KREMEN1: variants seen among roughly 807,000 people sequenced by gnomAD.
KREMEN1 encodes kremen protein 1.
Under a neutral mutation model 46.5 loss-of-function variants are expected in KREMEN1, and 30 were observed. The ratio of observed to expected loss-of-function variants is 0.65; its 90% CI spans 0.48 to 0.88. KREMEN1 has a LOEUF of 0.88. Among genes scored for constraint, KREMEN1 ranks in the 40% least tolerant of loss-of-function variants. KREMEN1 has a pLI of 0.00. For missense variants in KREMEN1, 533 were observed against 596.9 expected (o/e 0.89, Z 1.11); for synonymous variants, 214 against 230.6 (o/e 0.93, Z 0.65).
At chr22:29,164,498 C>A (rs1469798607) in intron 9 of KREMEN1, among the ~76,000 whole-genome samples, 1 of 152,150 alleles carries the variant, frequency 6.6e-6, no homozygotes, top group Non-Finnish European at 1.5e-5. Context: ...CAGCTTAAAA[C>A]AAGGAACTGG....
chr22:29,134,806 G>A (rs1463912326), intron 5 of KREMEN1, among the ~76,000 whole-genome samples: 1 of 152,186 alleles, frequency 6.6e-6, no homozygotes. Context: ...GTGGAGCCTA[G>A]AGTACCCGTG....
chr22:29,128,339 A>G (rs2038477946), intron 5 of KREMEN1, among the ~76,000 whole-genome samples: 1 of 152,250 alleles, frequency 6.6e-6, no homozygotes, highest in African/African-American at 2.4e-5. Context: ...TAACCCCATT[A>G]TAAGTCAAGG....
At chr22:29,122,446 T>A (rs563162694) in intron 4 of KREMEN1, among the ~76,000 whole-genome samples, 53 of 152,346 alleles carry the variant, frequency 3.5e-4, no homozygotes, top group African/African-American at 1.2e-3. Flanking sequence ...AACTCAGCAA[T>A]ATCACGCCTG....
At position 29,143,430 on chromosome 22, in the gene KREMEN1, C is replaced by T. The variant is rs943451389; in HGVS notation, c.*1318C>T. On this transcript the variant is annotated 3_prime_UTR_variant, in exon 9 of 9. Coordinates refer to ENST00000400335, the MANE Select transcript of KREMEN1 (RefSeq NM_001039570.3). ...GCCTGTGGTCCTTCCTTCTGGTGTC[C>T]CCCGTGTTAAAAGATAAAAAACACC... 1 of 985,276 alleles carries T rather than the reference C, an allele frequency of 1.0e-6. No individual in the cohort carries two copies. Among genetic ancestry groups the T allele is most frequent in the Non-Finnish European group, 1.2e-6 (1 of 829,944 alleles). The allele number at this position is 985,276 out of a possible 1,614,324, so 61.0% of individuals were successfully genotyped here.
At chr22:29,097,763 T>C (rs534207630) in intron 2 of KREMEN1, among the ~76,000 whole-genome samples, 2 of 152,210 alleles carry the variant, frequency 1.3e-5, no homozygotes, top group South Asian at 4.2e-4. Flanking sequence ...AAAGCTGAAA[T>C]CACCAGTAGT....
At chr22:29,130,650 A>G (rs1030241656) in intron 5 of KREMEN1, among the ~76,000 whole-genome samples, 3 of 152,128 alleles carry the variant, frequency 2.0e-5, no homozygotes, top group African/African-American at 7.2e-5. Context: ...GAAGTGGAGC[A>G]CTCAGCTGGG....
chr22:29,074,066 G>A (rs943807838), intron 1 of KREMEN1, among the ~76,000 whole-genome samples: 4 of 152,218 alleles, frequency 2.6e-5, no homozygotes, highest in Non-Finnish European at 5.9e-5. Context: ...AGCGGAGGCG[G>A]GAGGAGCCGG....
chr22:29,074,423 C>A (rs933343847), intron 1 of KREMEN1, among the ~76,000 whole-genome samples: 5 of 152,252 alleles, frequency 3.3e-5, no homozygotes, highest in African/African-American at 9.6e-5. Context: ...CAGGCCAAGG[C>A]CAAGGCCAGG....
At chr22:29,086,717 G>A (rs567645524) in intron 1 of KREMEN1, among the ~76,000 whole-genome samples, 12 of 152,258 alleles carry the variant, frequency 7.9e-5, no homozygotes, top group African/African-American at 2.9e-4. Flanking sequence ...GGCGATAGGT[G>A]TGCTATGTGA....
Position 29,105,126 on chromosome 22 carries a change from T to C in KREMEN1, c.352+6173T>C, listed in dbSNP as rs182459835. Among the ~76,000 whole-genome samples, 24 of 151,906 alleles carry C rather than the reference T, an allele frequency of 1.6e-4. No homozygotes were observed. The East Asian group carries it at 4.3e-3, about 27-fold the overall frequency. ...TATAATAAGTGAGGTGAGCAAAAGGTTCGGAGCACCCAGGAGGGCCATCTG... is the reference window on the plus strand; with the variant it reads ...TATAATAAGTGAGGTGAGCAAAAGGCTCGGAGCACCCAGGAGGGCCATCTG... On this transcript the variant is annotated intron_variant, in intron 3 of 8. Transcript: ENST00000400335.
At chr22:29,131,738 GTATATATATGTATATATGTA>G (rs1464109980) in intron 5 of KREMEN1, among the ~76,000 whole-genome samples, 36 of 131,976 alleles carry the variant, frequency 2.7e-4, no homozygotes, top group Admixed American at 9.1e-4. Context: ...GTATATATGT[GTATATATATGTATATATGTA>G]TATATATATG....
At chr22:29,094,768 C>G (rs2037858611) in intron 2 of KREMEN1, among the ~76,000 whole-genome samples, 1 of 151,942 alleles carries the variant, frequency 6.6e-6, no homozygotes, top group Admixed American at 6.6e-5. Flanking sequence ...GGACTACAGG[C>G]GCCCGCCAAC....
intron 8 of KREMEN1, among the ~76,000 whole-genome samples, chr22:29,141,535 G>A (rs1601812130): frequency 6.6e-6 from 1 of 152,220 alleles, no homozygotes; most frequent in Non-Finnish European, 1.5e-5. Context: ...GGCCAGCACC[G>A]GAGGCTAGAC....
In KREMEN1 at chr22:29,142,298, T is replaced by C. The variant is rs2145854298; in HGVS notation, c.*186T>C. ...GCTGCCAGGGCAGGCAGAGCCTGGA[T>C]TCCTCCTGCTTCATCGATTGCACTT... On this transcript the variant is annotated 3_prime_UTR_variant, in exon 9 of 9. Transcript: ENST00000400335. The C allele has an allele frequency of 7.6e-7, 1 of 1,313,196 alleles. No homozygotes were observed. The highest frequency in any genetic ancestry group is 1.5e-5 in the African/African-American group (1 of 66,150). 81.3% of individuals were successfully genotyped at this position (1,313,196 alleles called of 1,614,324 possible). A position where few individuals can be genotyped will look rare whatever the true frequency, so the allele number is the denominator to read the frequency against.
Position 29,094,379 on chromosome 22 carries a change from C to A in KREMEN1, c.219C>A (p.Tyr73Ter). 1 of 1,613,856 alleles carries A rather than the reference C, an allele frequency of 6.2e-7. No homozygotes were observed. The highest frequency in any genetic ancestry group is 2.2e-5 in the East Asian group (1 of 44,876). Residue 73 changes from tyrosine to a stop codon, truncating the protein, a stop_gained, in exon 2 of 9, where the codon TAC becomes TAA. Coordinates refer to ENST00000400335, the MANE Select transcript of KREMEN1 (RefSeq NM_001039570.3). LOFTEE classifies it high-confidence loss of function. ...TFQHPYNTLK[Y>*]PNGEGGLGEH... ...AGCATCCATACAACACTCTGAAATA[C>A]CCCAACGGGGAGGGGGGCCTGGGTG...
chr22:29,077,854 G>A (rs901626465), intron 1 of KREMEN1, among the ~76,000 whole-genome samples: 2 of 152,178 alleles, frequency 1.3e-5, no homozygotes, highest in Admixed American at 6.5e-5. Flanking sequence ...ATACATATGG[G>A]AGAAATGGTT....
chr22:29,101,043 G>A (rs571631733), intron 3 of KREMEN1, among the ~76,000 whole-genome samples: 1 of 152,284 alleles, frequency 6.6e-6, no homozygotes, highest in East Asian at 1.9e-4. Context: ...CTTGAGGCCA[G>A]GAGTTCCAGG....
chr22:29,104,135 A>G (rs1246367513), intron 3 of KREMEN1, among the ~76,000 whole-genome samples: 3 of 151,844 alleles, frequency 2.0e-5, no homozygotes, highest in African/African-American at 4.8e-5. Flanking sequence ...TCAAATATGT[A>G]ACATGATTAA....
rs1046568312 is a variant in KREMEN1 at position 29,131,564 on chromosome 22, G to A, written c.632-5778G>A. The stretch of plus-strand genomic sequence containing the variant: ...TATATATATATATATATATATATGT[G>A]TGTGTGTGTGTGTGTGTGTGTGTGT... On this transcript the variant is annotated intron_variant, in intron 5 of 8. Transcript: ENST00000400335. Among the ~76,000 whole-genome samples the A allele has an allele frequency of 4.2e-3, 308 of 73,706 alleles. 5 individuals carry two copies. Among genetic ancestry groups the A allele is most frequent in the African/African-American group, 0.016 (230 of 13,996 alleles). The allele number at this position is 73,706 out of a possible 152,430, so 48.4% of individuals were successfully genotyped here.
Sources: allele counts gnomAD v4.1 joint callset (sites outside exome capture counted in the v4.1 genomes callset), GRCh38; gene constraint gnomAD v4.1.1; transcripts MANE v1.5; gene names NCBI Gene and HGNC (gene_info 2026-07-23, HGNC 2026-07-21).